The following SFMBT2 variants were observed in gnomAD, a reference collection of about 807,000 sequenced individuals.
SFMBT2 encodes scm-like with four MBT domains protein 2.
In SFMBT2, 38 loss-of-function variants were observed where a neutral mutation model predicts 110.1. The observed-to-expected ratio is 0.35, with a 90% CI of 0.27 to 0.45. SFMBT2 has a LOEUF of 0.45. Among genes scored for constraint, SFMBT2 ranks in the 20% least tolerant of loss-of-function variants. The pLI is 1.00. For synonymous variants in SFMBT2, 425 were observed against 425.4 expected, an observed-to-expected ratio of 1.00 and a Z score of 0.01; for missense variants, 1,011 against 1,094.9, an observed-to-expected ratio of 0.92 and a Z score of 1.08.
intron 1 of SFMBT2, among the ~76,000 whole-genome samples, chr10:7,405,614 T>C (rs1335286831): frequency 6.6e-6 from 1 of 152,152 alleles, no homozygotes; most frequent in Non-Finnish European, 1.5e-5. Context: ...AACATGAGTA[T>C]GAAAGATGAA....
Position 7,381,779 on chromosome 10 carries a change from T to C in SFMBT2, c.100+20A>G, listed in dbSNP as rs767065619. On this transcript the variant is annotated intron_variant, in intron 2 of 20. Transcript: ENST00000397167. The stretch of plus-strand genomic sequence containing the variant: ...TCAATTCATCAAAAATCCAGATGAA[T>C]CTCGAAAACAAAATCCTACCAGAAT... The C allele has an allele frequency of 1.2e-6, 2 of 1,607,400 alleles. No individual in the cohort carries two copies. The highest frequency in any genetic ancestry group is 1.7e-6 in the Non-Finnish European group (2 of 1,177,606).
intron 7 of SFMBT2, among the ~76,000 whole-genome samples, chr10:7,275,378 G>T (rs4748800): frequency 0.085 from 13,002 of 152,234 alleles, 624 homozygotes; most frequent in African/African-American, 0.12. Flanking sequence ...GGACAGGCTG[G>T]CTCTGGTGGG....
intron 16 of SFMBT2, among the ~76,000 whole-genome samples, chr10:7,179,407 A>C (rs909306743): frequency 1.3e-4 from 20 of 151,486 alleles, no homozygotes; most frequent in East Asian, 1.9e-4. Context: ...AAAAAAAAAA[A>C]AAAAAAAAAC....
chr10:7,184,256 T>G (rs936016196), intron 16 of SFMBT2, among the ~76,000 whole-genome samples: 1 of 152,142 alleles, frequency 6.6e-6, no homozygotes, highest in African/African-American at 2.4e-5. Context: ...TTCTCAAGTG[T>G]TGTGGGAGGG....
intron 7 of SFMBT2, among the ~76,000 whole-genome samples, chr10:7,267,630 CA>C (rs1427529106): frequency 1.3e-5 from 2 of 152,184 alleles, no homozygotes; most frequent in Non-Finnish European, 2.9e-5. Context: ...CTCCTGACCT[CA>C]AGTAGATCTG....
intron 16 of SFMBT2, among the ~76,000 whole-genome samples, chr10:7,178,269 C>T (rs540319378): frequency 7.2e-5 from 11 of 152,242 alleles, no homozygotes; most frequent in Non-Finnish European, 1.3e-4. Context: ...TCTCTGAGGT[C>T]CTCCTTAAGC....
At chr10:7,348,188 G>A (rs1844177144) in intron 4 of SFMBT2, 3 of 872,940 alleles carry the variant, frequency 3.4e-6, no homozygotes. Flanking sequence ...CAAAGGGTTT[G>A]GGTTGGTTTA....
intron 16 of SFMBT2, 142 bp downstream of exon 16, chr10:7,188,482 T>C (rs1245769845): frequency 1.0e-5 from 6 of 586,556 alleles, no homozygotes; most frequent in East Asian, 2.9e-5. Context: ...GAAATTTACG[T>C]GTCGCCCATA....
intron 4 of SFMBT2, 98 bp from the exon 5 acceptor site, chr10:7,286,052 C>T: frequency 1.4e-6 from 1 of 701,742 alleles, no homozygotes; most frequent in South Asian, 1.7e-5. Context: ...CAGCAGTTTT[C>T]TCCATGTAGG....
At chr10:7,374,726 A>C (rs1845153106) in intron 2 of SFMBT2, among the ~76,000 whole-genome samples, 1 of 152,214 alleles carries the variant, frequency 6.6e-6, no homozygotes, top group Non-Finnish European at 1.5e-5. Flanking sequence ...AGTCAGACCT[A>C]GAATGGGATT....
chr10:7,406,508 T>C (rs1416259475), intron 1 of SFMBT2, among the ~76,000 whole-genome samples: 2 of 146,498 alleles, frequency 1.4e-5, no homozygotes, highest in Middle Eastern at 3.4e-3. Context: ...TGGGCAGCAA[T>C]GGAAAAATGG....
At chr10:7,361,233 C>T (rs995279426) in intron 4 of SFMBT2, among the ~76,000 whole-genome samples, 1 of 152,000 alleles carries the variant, frequency 6.6e-6, no homozygotes, top group Non-Finnish European at 1.5e-5. Context: ...GTCAGATAAC[C>T]AAAGAAAATA....
chr10:7,267,032 A>G (rs1841416620), intron 7 of SFMBT2, among the ~76,000 whole-genome samples: 1 of 152,228 alleles, frequency 6.6e-6, no homozygotes, highest in Non-Finnish European at 1.5e-5. Flanking sequence ...AACTGTGTGT[A>G]CAAACAATCT....
intron 1 of SFMBT2, among the ~76,000 whole-genome samples, chr10:7,398,639 G>A (rs1032387294): frequency 6.6e-6 from 1 of 152,004 alleles, no homozygotes; most frequent in Non-Finnish European, 1.5e-5. Flanking sequence ...TATTTAAAAT[G>A]CAGCAGTTTT....
rs768302535 is a variant in SFMBT2 at position 7,220,528 on chromosome 10, T to A, written c.1213A>T (p.Ser405Cys). 3 of 1,614,164 alleles carry A rather than the reference T, an allele frequency of 1.9e-6. No homozygotes were observed. The highest frequency in any genetic ancestry group is 2.5e-6 in the Non-Finnish European group (3 of 1,180,000). Residue 405 changes from serine (S) to cysteine (C), a missense_variant, in exon 11 of 21, where the codon AGT becomes TGT. This residue lies in a region of SFMBT2 where 979 missense variants were observed against 1,016.1 expected (regional missense o/e 0.96). Transcript: ENST00000397167. ...PPFCFRNTSF[S>C]RGFTKNMKLE... Reference sequence around the variant, plus strand: ...TTCATGTTCTTTGTGAAACCTCGACTGAATGATGTCTGCAAGAGAAACGAG... The same window carrying A: ...TTCATGTTCTTTGTGAAACCTCGACAGAATGATGTCTGCAAGAGAAACGAG...
At chr10:7,272,368 A>C (rs1841613886) in intron 7 of SFMBT2, among the ~76,000 whole-genome samples, 1 of 152,226 alleles carries the variant, frequency 6.6e-6, no homozygotes, top group Non-Finnish European at 1.5e-5. Flanking sequence ...AGCAAAGCCA[A>C]ATCCCAGGCC....
At chr10:7,372,176 C>G (rs1483685275) in intron 2 of SFMBT2, among the ~76,000 whole-genome samples, 1 of 152,096 alleles carries the variant, frequency 6.6e-6, no homozygotes, top group African/African-American at 2.4e-5. Flanking sequence ...CCTCAGCCTC[C>G]CAAAGTGCTG....
Position 7,335,591 on chromosome 10 carries a change from A to C in SFMBT2, c.436+32058T>G, listed in dbSNP as rs538765628. ...CAGAAACAGAAACAGAAACACACAC[A>C]CACACACACACACACACACACACAC... is the stretch of plus-strand genomic sequence containing the variant. On this transcript the variant is annotated intron_variant, in intron 4 of 20. Coordinates refer to ENST00000397167, the MANE Select transcript of SFMBT2 (RefSeq NM_001387889.1). Among the ~76,000 whole-genome samples, 999 of 146,392 alleles carry C rather than the reference A, an allele frequency of 6.8e-3. 17 individuals are homozygous for C. Among genetic ancestry groups the C allele is most frequent in the African/African-American group, 0.025 (931 of 36,828 alleles).
intron 5 of SFMBT2, 168 bp downstream of exon 5, chr10:7,285,698 C>G: frequency 1.6e-6 from 1 of 613,232 alleles, no homozygotes; most frequent in East Asian, 2.7e-5. Context: ...CCATTCAAAT[C>G]AGTCACCTAA....
Sources: allele counts gnomAD v4.1 joint callset (sites outside exome capture counted in the v4.1 genomes callset), GRCh38; gene constraint gnomAD v4.1.1; regional missense constraint gnomAD v4.1.1; transcripts MANE v1.5; gene names NCBI Gene and HGNC (gene_info 2026-07-23, HGNC 2026-07-21).